RSRP1: variants seen among roughly 807,000 people sequenced by gnomAD.
The protein encoded by RSRP1 is arginine/serine-rich protein 1.
RSRP1 carries 37 observed loss-of-function variants against 33.0 expected under a neutral mutation model. The ratio of observed to expected loss-of-function variants is 1.12; its 90% confidence interval spans 0.86 to 1.48. The LOEUF is 1.48. Among genes scored for constraint, RSRP1 ranks in the 40% most tolerant of loss-of-function variants. The probability of loss-of-function intolerance (pLI) is 0.00; values close to 1 mark genes in which losing one functional copy is unlikely to be tolerated. For synonymous variants in RSRP1, 167 were observed against 158.7 expected, an observed-to-expected ratio of 1.05 and a Z score of -0.40; for missense variants, 402 against 385.3, an observed-to-expected ratio of 1.04 and a Z score of -0.36.
At chr1:25,256,628 T>A (rs1365518728) in intron 1 of RSRP1, among the ~76,000 whole-genome samples, 3 of 151,992 alleles carry the variant, frequency 2.0e-5, no homozygotes, top group East Asian at 1.9e-4. Flanking sequence ...ACCCAGCTAA[T>A]TTTTTTTGTA....
intron 4 of RSRP1, among the ~76,000 whole-genome samples, chr1:25,243,318 A>C (rs1459293066): frequency 1.3e-5 from 2 of 152,204 alleles, no homozygotes; most frequent in Non-Finnish European, 2.9e-5. Flanking sequence ...TCAATAAAAA[A>C]GGGGGGACAC....
At chr1:25,319,027 G>A (rs1644560473) in intron 1 of RSRP1, among the ~76,000 whole-genome samples, 1 of 132,356 alleles carries the variant, frequency 7.6e-6, no homozygotes, top group African/African-American at 2.6e-5. Context: ...TCCAACCCTG[G>A]GAAAGGCTGC....
At chr1:25,318,551 G>A (rs1274095913) in intron 1 of RSRP1, among the ~76,000 whole-genome samples, 1 of 131,272 alleles carries the variant, frequency 7.6e-6, no homozygotes, top group African/African-American at 2.6e-5. Flanking sequence ...TTGCACCACT[G>A]CCCTCCAGCC....
chr1:25,312,759 A>G (rs1392214248), intron 1 of RSRP1, among the ~76,000 whole-genome samples: 2 of 117,128 alleles, frequency 1.7e-5, no homozygotes, highest in East Asian at 2.0e-4. Flanking sequence ...CTACAAATAA[A>G]ATTAAATAAA....
chr1:25,252,915 G>T (rs1639834733), intron 1 of RSRP1, among the ~76,000 whole-genome samples: 1 of 152,148 alleles, frequency 6.6e-6, no homozygotes, highest in Admixed American at 6.6e-5. Context: ...ACACGGAAAG[G>T]TCAGCCTATT....
intron 1 of RSRP1, among the ~76,000 whole-genome samples, chr1:25,310,993 GA>G (rs1644115893): frequency 7.8e-6 from 1 of 128,052 alleles, no homozygotes; most frequent in Non-Finnish European, 1.8e-5. Flanking sequence ...AAAAAAGAAA[GA>G]AAAAGAATGG....
At chr1:25,247,058 C>T in intron 1 of RSRP1, 29 bp from the exon 2 acceptor site, 7 of 1,312,212 alleles carry the variant, frequency 5.3e-6, no homozygotes, top group East Asian at 5.0e-5. Flanking sequence ...AAAAACAAGT[C>T]GAGTCGCGGA....
intron 1 of RSRP1, among the ~76,000 whole-genome samples, chr1:25,314,734 G>A (rs1395873227): frequency 1.5e-5 from 2 of 131,320 alleles, no homozygotes; most frequent in African/African-American, 2.6e-5. Context: ...TTGGACTCCT[G>A]GCCTCAACTT....
intron 1 of RSRP1, among the ~76,000 whole-genome samples, chr1:25,262,471 C>T (rs572461832): frequency 6.6e-6 from 1 of 152,220 alleles, no homozygotes; most frequent in East Asian, 1.9e-4. Flanking sequence ...AGTCAGGGTT[C>T]GCCAAAGAGA....
rs1417865880 is a variant in RSRP1 at position 25,300,065 on chromosome 1, T to C, written c.-67+37913A>G. Among the ~76,000 whole-genome samples the C allele has an allele frequency of 2.3e-5, 3 of 131,236 alleles. 1 individual carries two copies. Among genetic ancestry groups the C allele is most frequent in the Non-Finnish European group, 5.4e-5 (3 of 55,724 alleles). The allele number at this position is 131,236 out of a possible 152,430, so 86.1% of individuals were successfully genotyped here. ...TATATCTAGAATTTCCTGAAGACCT[T>C]AGTTTGGTATTATAAGAAGTCTGGT... On this transcript the variant is annotated intron_variant, in intron 1 of 1. Coordinates refer to the RSRP1 transcript ENST00000561867.
At chr1:25,286,801 A>AAAC (rs1307104900) in intron 1 of RSRP1, among the ~76,000 whole-genome samples, 3 of 132,786 alleles carry the variant, frequency 2.3e-5, no homozygotes, top group African/African-American at 7.9e-5. Flanking sequence ...AAAAAAACAA[A>AAAC]AACAGTTTTA....
intron 1 of RSRP1, among the ~76,000 whole-genome samples, chr1:25,333,731 C>T (rs1366618729): frequency 7.7e-6 from 1 of 129,430 alleles, no homozygotes; most frequent in East Asian, 2.0e-4. Context: ...CTGGGGAGGC[C>T]TCACAATCAT....
At chr1:25,244,747 C>T in intron 3 of RSRP1, 1 of 1,118,274 alleles carries the variant, frequency 8.9e-7, no homozygotes, top group Non-Finnish European at 1.1e-6. Context: ...TGCAATGGTG[C>T]CATCTTGGCT....
intron 1 of RSRP1, chr1:25,284,493 T>G: frequency 8.0e-7 from 1 of 1,244,138 alleles, no homozygotes; most frequent in South Asian, 1.2e-5. Context: ...CAGCTGCCAT[T>G]TAGTAAGACT....
rs1249255366 is a variant in RSRP1 at position 25,302,012 on chromosome 1, T to A, written c.-67+35966A>T. Among the ~76,000 whole-genome samples the A allele has an allele frequency of 1.4e-4, 18 of 130,610 alleles. 2 individuals carry two copies. The highest frequency in any genetic ancestry group is 4.5e-4 in the African/African-American group (17 of 38,152). 85.7% of individuals were successfully genotyped at this position (130,610 alleles called of 152,430 possible). ...TGAGCGAGAGTCAGCAGCAACAGACTAGACTAGAATTAGCCAGCCTCTCTC... is the reference window on the plus strand; with the variant it reads ...TGAGCGAGAGTCAGCAGCAACAGACAAGACTAGAATTAGCCAGCCTCTCTC... On this transcript the variant is annotated intron_variant, in intron 1 of 1. Coordinates refer to the RSRP1 transcript ENST00000561867.
chr1:25,321,282 G>A (rs954154366), intron 1 of RSRP1, among the ~76,000 whole-genome samples: 3 of 124,258 alleles, frequency 2.4e-5, no homozygotes, highest in African/African-American at 8.1e-5. Context: ...ACTCCATCTG[G>A]GGAAGGGCGT....
intron 1 of RSRP1, among the ~76,000 whole-genome samples, chr1:25,260,014 T>A (rs1034038360): frequency 9.9e-5 from 15 of 152,158 alleles, no homozygotes; most frequent in African/African-American, 3.4e-4. Context: ...ATCCCAAGAT[T>A]ATATTATTGT....
rs527470261 is a variant in RSRP1, at chr1:25,333,146, G to A, written c.-67+4832C>T. ...AGTAAGACCAATTTGCCTTTCTTCC[G>A]TTTTTGTTCCAAGCCAACTGCACGT... On this transcript the variant is annotated intron_variant, in intron 1 of 1. Transcript: ENST00000561867. 6.5e-4 allele frequency among the ~76,000 whole-genome samples: 86 copies of A among 132,202 alleles called. 12 individuals are homozygous for A. The highest frequency in any genetic ancestry group is 1.5e-3 in the African/African-American group (58 of 38,686). The allele number at this position is 132,202 out of a possible 152,430, so 86.7% of individuals were successfully genotyped here. A position where few individuals can be genotyped will look rare whatever the true frequency, so the allele number is the denominator to read the frequency against.
chr1:25,296,931 A>G lies in RSRP1; in HGVS notation c.-67+41047T>C, dbSNP rs1238318737. Reference sequence around the variant, plus strand: ...AGCAGTGTGAAAACAGACTAACACAATTTCCTAAAACAAGGGGACATTCTC... The same window carrying G: ...AGCAGTGTGAAAACAGACTAACACAGTTTCCTAAAACAAGGGGACATTCTC... On this transcript the variant is annotated intron_variant, in intron 1 of 1. Coordinates refer to the RSRP1 transcript ENST00000561867. Among the ~76,000 whole-genome samples the G allele has an allele frequency of 1.5e-5, 2 of 130,756 alleles. 1 individual carries two copies. Among genetic ancestry groups the G allele is most frequent in the African/African-American group, 5.3e-5 (2 of 37,814 alleles). 85.8% of individuals were successfully genotyped at this position (130,756 alleles called of 152,430 possible). A position where few individuals can be genotyped will look rare whatever the true frequency, so the allele number is the denominator to read the frequency against.
Sources: allele counts gnomAD v4.1 joint callset (sites outside exome capture counted in the v4.1 genomes callset), GRCh38; gene constraint gnomAD v4.1.1; transcripts MANE v1.5; gene names NCBI Gene and HGNC (gene_info 2026-07-23, HGNC 2026-07-21).